The following BDKRB2 variants were observed in gnomAD, a reference collection of about 807,000 sequenced individuals.
BDKRB2 encodes the protein bradykinin receptor B2, also known as B2 bradykinin receptor.
In BDKRB2, 6 loss-of-function variants were observed where a neutral mutation model predicts 4.0. That is an observed-to-expected ratio of 1.49 (90% CI 0.81 to 2.93). The LOEUF (loss-of-function observed/expected upper bound fraction) is 2.93. BDKRB2 is among the 30% of genes most tolerant of loss of function. The probability of loss-of-function intolerance (pLI) is 0.00; values close to 1 mark genes in which losing one functional copy is unlikely to be tolerated. For synonymous variants in BDKRB2, 225 were observed against 215.3 expected, an observed-to-expected ratio of 1.05 and a Z score of -0.40; for missense variants, 478 against 520.1, an observed-to-expected ratio of 0.92 and a Z score of 0.79.
intron 1 of BDKRB2, among the ~76,000 whole-genome samples, chr14:96,225,615 G>A (rs530270895): frequency 5.9e-5 from 9 of 152,280 alleles, no homozygotes; most frequent in African/African-American, 1.9e-4. Flanking sequence ...AGGATATGTT[G>A]TGGGAAGCCC....
In BDKRB2 at chr14:96,240,433, G is replaced by A. The variant is rs766212396; in HGVS notation, c.105G>A (p.Gly35=). ...ACATGCTCAATGTCACCTTGCAAGG[G>A]CCCACTCTTAACGGGACCTTTGCCC... is the stretch of plus-strand genomic sequence containing the variant. ...SADMLNVTLQ[G]PTLNGTFAQS... is the part of the protein sequence containing the mutation. Residue 35 remains glycine (G), a synonymous_variant, in exon 3 of 3, where the codon GGG becomes GGA. Transcript: ENST00000554311. 1.4e-6 allele frequency: 2 copies of A among 1,477,528 alleles called. No individual in the cohort carries two copies. Among genetic ancestry groups the A allele is most frequent in the Non-Finnish European group, 9.0e-7 (1 of 1,113,670 alleles). The allele number at this position is 1,477,528 out of a possible 1,614,324, so 91.5% of individuals were successfully genotyped here.
At position 96,215,159 on chromosome 14, in the gene BDKRB2, C is replaced by T. The variant is rs79530634; in HGVS notation, c.-40+10200C>T. ...CCTATGATCCCATGCTCAAAGACAACCAGCGCCAGTAATAATTTGGTATTT... is the reference window on the plus strand; with the variant it reads ...CCTATGATCCCATGCTCAAAGACAATCAGCGCCAGTAATAATTTGGTATTT... On this transcript the variant is annotated intron_variant, in intron 1 of 2. Coordinates refer to ENST00000554311, the MANE Select transcript of BDKRB2 (RefSeq NM_001379692.1). Among the ~76,000 whole-genome samples, 1,179 of 152,310 alleles carry T rather than the reference C, an allele frequency of 7.7e-3. 7 individuals carry two copies. The highest frequency in any genetic ancestry group is 0.013 in the Non-Finnish European group (907 of 68,034).
At chr14:96,205,241 T>C (rs868650662) in intron 1 of BDKRB2, among the ~76,000 whole-genome samples, 6 of 152,014 alleles carry the variant, frequency 3.9e-5, no homozygotes, top group Admixed American at 1.3e-4. Context: ...AGGGATTTCG[T>C]GATTGGATTT....
In BDKRB2 at chr14:96,243,726, C is replaced by T. The variant is rs2139803674; in HGVS notation, c.*2222C>T. On this transcript the variant is annotated 3_prime_UTR_variant, in exon 3 of 3. Coordinates refer to ENST00000554311, the MANE Select transcript of BDKRB2 (RefSeq NM_001379692.1). ...CCCCCAACCCACTCTTTTTTCCCAC[C>T]ACCCACTCTCCTCTGCCTCAGTAAG... 1 of 154,548 alleles carries T rather than the reference C, an allele frequency of 6.5e-6. No individual in the cohort carries two copies. Among genetic ancestry groups the T allele is most frequent in the Admixed American group, 6.5e-5 (1 of 15,376 alleles). The allele number at this position is 154,548 out of a possible 1,614,324, so 9.6% of individuals were successfully genotyped here. A position where few individuals can be genotyped will look rare whatever the true frequency, so the allele number is the denominator to read the frequency against.
In BDKRB2 at chr14:96,204,928, C is replaced by A; in HGVS notation, c.-71C>A. The A allele has an allele frequency of 3.5e-6, 1 of 286,150 alleles. No individual in the cohort carries two copies. Among genetic ancestry groups the A allele is most frequent in the Non-Finnish European group, 7.2e-6 (1 of 139,606 alleles). 17.7% of individuals were successfully genotyped at this position (286,150 alleles called of 1,614,324 possible). The stretch of plus-strand genomic sequence containing the variant: ...GCTGCCCCGCAGTACCAGGGAGCGA[C>A]TGAAGTGCCCATGCCGCTTGCTCCG... On this transcript the variant is annotated 5_prime_UTR_variant, in exon 1 of 3. The change creates a new upstream start codon in the 5' untranslated region. Coordinates refer to ENST00000554311, the MANE Select transcript of BDKRB2 (RefSeq NM_001379692.1).
At chr14:96,218,931 C>T (rs1425022625) in intron 1 of BDKRB2, among the ~76,000 whole-genome samples, 1 of 151,576 alleles carries the variant, frequency 6.6e-6, no homozygotes, top group Non-Finnish European at 1.5e-5. Flanking sequence ...AAAAAACAAA[C>T]AAACGAACCA....
Position 96,240,466 on chromosome 14 carries a change from A to G in BDKRB2, c.138A>G (p.Lys46=). 6.6e-7 allele frequency: 1 copy of G among 1,515,394 alleles called. No individual in the cohort carries two copies. Among genetic ancestry groups the G allele is most frequent in the African/African-American group, 1.4e-5 (1 of 71,772 alleles). 93.9% of individuals were successfully genotyped at this position (1,515,394 alleles called of 1,614,324 possible). A position where few individuals can be genotyped will look rare whatever the true frequency, so the allele number is the denominator to read the frequency against. The part of the protein sequence containing the change: ...PTLNGTFAQS[K]CPQVEWLGWL... Reference sequence around the variant, plus strand: ...TTAACGGGACCTTTGCCCAGAGCAAATGCCCCCAAGTGGAGTGGCTGGGCT... The same window carrying G: ...TTAACGGGACCTTTGCCCAGAGCAAGTGCCCCCAAGTGGAGTGGCTGGGCT... Residue 46 remains lysine, a synonymous_variant, in exon 3 of 3, where the codon AAA becomes AAG. Transcript: ENST00000554311.
chr14:96,207,412 A>G (rs939682836), intron 1 of BDKRB2, among the ~76,000 whole-genome samples: 4 of 130,652 alleles, frequency 3.1e-5, no homozygotes, highest in Admixed American at 1.5e-4. Flanking sequence ...AAAACTATGA[A>G]GACAGTAAAA....
Position 96,241,453 on chromosome 14 carries a change from C to T in BDKRB2, c.1125C>T (p.Ser375=), listed in dbSNP as rs202083604. Reference sequence around the variant, plus strand: ...TGGGCACACTGCGGACCTCCATCTCCGTGGAACGCCAGATTCACAAACTGC... The same window carrying T: ...TGGGCACACTGCGGACCTCCATCTCTGTGGAACGCCAGATTCACAAACTGC... ...NSMGTLRTSI[S]VERQIHKLQD... is the part of the protein sequence containing the mutation. The change falls in exon 3 of 3, where the codon TCC becomes TCT. Residue 375 remains serine, a synonymous_variant. Coordinates refer to ENST00000554311, the MANE Select transcript of BDKRB2 (RefSeq NM_001379692.1). The T allele has an allele frequency of 6.3e-6, 10 of 1,581,306 alleles. No homozygotes were observed. The Middle Eastern group carries it at 5.0e-4, about 80-fold the overall frequency.
intron 1 of BDKRB2, among the ~76,000 whole-genome samples, chr14:96,226,946 T>G (rs1220218790): frequency 6.6e-6 from 1 of 152,218 alleles, no homozygotes; most frequent in Non-Finnish European, 1.5e-5. Context: ...CCTCGGGCAG[T>G]GTCCGAGAGG....
intron 1 of BDKRB2, among the ~76,000 whole-genome samples, chr14:96,208,250 T>C (rs1237410970): frequency 6.6e-6 from 1 of 152,180 alleles, no homozygotes; most frequent in Non-Finnish European, 1.5e-5. Context: ...AAACACCCAC[T>C]CCAGGGTTGT....
intron 1 of BDKRB2, among the ~76,000 whole-genome samples, chr14:96,209,997 A>AAATAATAATAAT (rs59871160): frequency 6.2e-5 from 9 of 144,510 alleles, no homozygotes; most frequent in South Asian, 2.2e-4. Flanking sequence ...CTCTATCTCA[A>AAATAATAATAAT]AATAATAATA....
chr14:96,240,897 C>T lies in BDKRB2; in HGVS notation c.569C>T (p.Ser190Leu), dbSNP rs1885271369. The change falls in exon 3 of 3, where the codon TCA becomes TTA. Residue 190 changes from serine (S) to leucine (L), a missense_variant. By Grantham distance (145) the Ser-to-Leu change is moderately radical. Transcript: ENST00000554311. ...VIWGCTLLLS[S>L]PMLVFRTMKE... is the part of the protein sequence containing the mutation. ...TGGGGGTGTACGCTGCTCCTGAGCT[C>T]ACCCATGCTGGTGTTCCGGACCATG... 3 of 1,597,204 alleles carry T rather than the reference C, an allele frequency of 1.9e-6. No homozygotes were observed. Among genetic ancestry groups the T allele is most frequent in the Non-Finnish European group, 2.6e-6 (3 of 1,171,942 alleles).
intron 1 of BDKRB2, among the ~76,000 whole-genome samples, chr14:96,220,868 C>T (rs921079538): frequency 3.3e-5 from 5 of 152,084 alleles, no homozygotes; most frequent in African/African-American, 9.7e-5. Flanking sequence ...GTGGACACAG[C>T]CATGGCCTCA....
chr14:96,213,102 T>A (rs1247666803), intron 1 of BDKRB2, among the ~76,000 whole-genome samples: 1 of 152,168 alleles, frequency 6.6e-6, no homozygotes, highest in Admixed American at 6.5e-5. Flanking sequence ...CCAGGACAGG[T>A]CACTGACCTC....
intron 1 of BDKRB2, among the ~76,000 whole-genome samples, chr14:96,225,510 T>G (rs77777686): frequency 0.022 from 3,384 of 151,964 alleles, 107 homozygotes; most frequent in African/African-American, 0.068. Flanking sequence ...CATGTCACAC[T>G]AAGCAGAGTA....
intron 1 of BDKRB2, among the ~76,000 whole-genome samples, chr14:96,234,649 G>A (rs181628213): frequency 5.3e-5 from 8 of 152,290 alleles, no homozygotes; most frequent in Non-Finnish European, 8.8e-5. Flanking sequence ...TCCTCAACCC[G>A]CCTGCCCTCT....
chr14:96,232,312 T>C (rs1890836577), intron 1 of BDKRB2, among the ~76,000 whole-genome samples: 2 of 152,174 alleles, frequency 1.3e-5, no homozygotes, highest in African/African-American at 4.8e-5. Context: ...TAACGAGCTC[T>C]AGAGAGGAGG....
Position 96,241,325 on chromosome 14 carries a change from G to C in BDKRB2, c.997G>C (p.Val333Leu). Residue 333 changes from valine (V) to leucine (L), a missense_variant, in exon 3 of 3, where the codon GTG becomes CTG. By Grantham distance (32) the Val-to-Leu change is conservative. Coordinates refer to ENST00000554311, the MANE Select transcript of BDKRB2 (RefSeq NM_001379692.1). ...SNSCLNPLVY[V>L]IVGKRFRKKS... ...CAGCTGCCTCAACCCACTGGTGTAC[G>C]TGATCGTGGGCAAGCGCTTCCGAAA... The C allele has an allele frequency of 6.2e-7, 1 of 1,614,018 alleles. No homozygotes were observed. Among genetic ancestry groups the C allele is most frequent in the Non-Finnish European group, 8.5e-7 (1 of 1,179,952 alleles).
Sources: gnomAD v4.1 joint callset for allele counts (sites outside exome capture counted in the v4.1 genomes callset) on GRCh38, gnomAD v4.1.1 for gene constraint, MANE v1.5 for transcripts, NCBI Gene and HGNC (gene_info 2026-07-23, HGNC 2026-07-21) for gene names.